CFAP47: variants seen among roughly 807,000 people sequenced by gnomAD.
CFAP47 encodes the protein cilia and flagella associated protein 47.
In CFAP47, 29 loss-of-function variants were observed where a neutral mutation model predicts 148.1. The ratio of observed to expected loss-of-function variants is 0.20; its 90% CI spans 0.15 to 0.27. CFAP47 has a LOEUF of 0.27. Ranked by LOEUF, CFAP47 falls within the 10% of genes least tolerant of loss-of-function variation. CFAP47 has a pLI of 1.00. For synonymous variants in CFAP47, 664 were observed against 577.3 expected, an observed-to-expected ratio of 1.15 and a Z score of -2.15; for missense variants, 1,872 against 1,697.5, an observed-to-expected ratio of 1.10 and a Z score of -1.81.
intron 19 of CFAP47, among the ~76,000 whole-genome samples, chrX:35,999,051 C>T (rs1936882508): frequency 9.0e-6 from 1 of 111,485 alleles, no homozygotes; most frequent in African/African-American, 3.3e-5. Flanking sequence ...ATGGCTAAGG[C>T]ATTGACTATG....
At chrX:36,226,830 G>A (rs1290119235) in intron 45 of CFAP47, among the ~76,000 whole-genome samples, 2 of 111,441 alleles carry the variant, frequency 1.8e-5, no homozygotes, top group Middle Eastern at 4.7e-3. Flanking sequence ...GAACTTGTGC[G>A]TTGCAATGAT....
At chrX:35,943,020 A>G (rs1936033179) in intron 3 of CFAP47, among the ~76,000 whole-genome samples, 1 of 111,485 alleles carries the variant, frequency 9.0e-6, no homozygotes, top group Non-Finnish European at 1.9e-5. Context: ...CTTAGTGTTG[A>G]CTTTATCCCA....
intron 27 of CFAP47, among the ~76,000 whole-genome samples, chrX:36,066,552 T>C (rs771664593): frequency 1.8e-5 from 2 of 111,753 alleles, no homozygotes; most frequent in African/African-American, 6.5e-5. Context: ...GTCACAAGCA[T>C]GTATCGTGAC....
At chrX:35,934,245 G>A (rs6632404) in intron 2 of CFAP47, among the ~76,000 whole-genome samples, 18,435 of 110,428 alleles carry the variant, frequency 0.17, 1,203 homozygotes, top group South Asian at 0.25. Flanking sequence ...CTATTGTACT[G>A]TGGCTGAGCT....
chrX:36,239,314 G>A (rs1204440136), intron 48 of CFAP47, among the ~76,000 whole-genome samples: 2 of 112,384 alleles, frequency 1.8e-5, no homozygotes, highest in African/African-American at 6.5e-5. Flanking sequence ...TTAAAGACTT[G>A]AAATAATCTA....
intron 62 of CFAP47, among the ~76,000 whole-genome samples, chrX:36,375,547 A>G (rs782350201): frequency 8.9e-6 from 1 of 112,193 alleles, no homozygotes; most frequent in South Asian, 3.7e-4. Flanking sequence ...ATTTATCTAA[A>G]GTGTAGTTCA....
chrX:36,012,856 G>T (rs1374438957), intron 21 of CFAP47, among the ~76,000 whole-genome samples: 3 of 111,428 alleles, frequency 2.7e-5, no homozygotes, highest in Non-Finnish European at 5.7e-5. Context: ...AAAAAATAAA[G>T]AAAACAGGTC....
intron 32 of CFAP47, among the ~76,000 whole-genome samples, chrX:36,102,492 C>G (rs1025729191): frequency 9.0e-6 from 1 of 110,993 alleles, no homozygotes; most frequent in Admixed American, 9.6e-5. Context: ...TTTTTACCAC[C>G]GATAATTTCA....
At chrX:36,007,069 A>T (rs1415781083) in intron 21 of CFAP47, among the ~76,000 whole-genome samples, 1 of 111,826 alleles carries the variant, frequency 8.9e-6, no homozygotes, top group Non-Finnish European at 1.9e-5. Flanking sequence ...TCTGCCCTGA[A>T]GCATAGGCTG....
chrX:36,003,974 T>C (rs1045061843), intron 21 of CFAP47, among the ~76,000 whole-genome samples: 7 of 94,033 alleles, frequency 7.4e-5, no homozygotes, highest in Middle Eastern at 4.6e-3. Flanking sequence ...TTTCTTTTTT[T>C]TTTTTTTTTT....
intron 26 of CFAP47, among the ~76,000 whole-genome samples, chrX:36,049,081 T>A (rs779831283): frequency 9.0e-6 from 1 of 111,403 alleles, no homozygotes; most frequent in Non-Finnish European, 1.9e-5. Flanking sequence ...AAGCATAAGG[T>A]CTACAGCTAT....
intron 27 of CFAP47, among the ~76,000 whole-genome samples, chrX:36,067,516 T>C (rs758265753): frequency 9.0e-6 from 1 of 111,181 alleles, no homozygotes; most frequent in South Asian, 3.8e-4. Flanking sequence ...TCCATTCACT[T>C]TTCTCCCTCT....
intron 39 of CFAP47, 81 bp downstream of exon 39, chrX:36,160,850 C>A (rs372390919): frequency 1.3e-5 from 2 of 158,851 alleles, no homozygotes; most frequent in East Asian, 9.6e-5. Context: ...TTCTTTCTTT[C>A]TTTTTTTTTT....
chrX:35,952,037 A>G, intron 6 of CFAP47, 74 bp downstream of exon 6: 1 of 1,012,917 alleles, frequency 9.9e-7, no homozygotes, highest in Non-Finnish European at 1.3e-6. Flanking sequence ...AATCAGATTC[A>G]CTTTAATACT....
chrX:35,970,719 T>G lies in CFAP47; in HGVS notation c.1815-49T>G, dbSNP rs369057520. On this transcript the variant is annotated intron_variant, in intron 10 of 63. Coordinates refer to ENST00000378653, the MANE Select transcript of CFAP47 (RefSeq NM_001304548.2). ...TAGGAGGCTGTCAGTAAATACTGAT[T>G]GAACAAATGCATATATAAAAATATT... 1.4e-4 allele frequency: 146 copies of G among 1,022,247 alleles called. 2 individuals are homozygous for G. In the African/African-American group the frequency reaches 2.7e-3, roughly 19 times the overall value. The allele number at this position is 1,022,247 out of a possible 1,213,427, so 84.2% of individuals were successfully genotyped here.
At position 35,970,934 on chromosome X, in the gene CFAP47, G is replaced by A. The variant is rs748266751; in HGVS notation, c.1970+11G>A. On this transcript the variant is annotated intron_variant, in intron 11 of 63. Transcript: ENST00000378653. ...GAAACAAGCAGAGAGGTAATGTTCA[G>A]TTCCTCAAAAAATATGCAACAGATC... The A allele has an allele frequency of 5.1e-6, 6 of 1,178,496 alleles. No individual in the cohort carries two copies. Among genetic ancestry groups the A allele is most frequent in the Admixed American group, 5.1e-5 (2 of 39,028 alleles).
intron 33 of CFAP47, among the ~76,000 whole-genome samples, chrX:36,133,809 A>AC (rs1938992733): frequency 9.2e-6 from 1 of 109,200 alleles, no homozygotes; most frequent in Non-Finnish European, 1.9e-5. Context: ...AAAAAAAAAA[A>AC]AGAAAAGAAA....
chrX:36,113,874 A>G (rs1938594580), intron 33 of CFAP47, among the ~76,000 whole-genome samples: 1 of 104,612 alleles, frequency 9.6e-6, no homozygotes, highest in Non-Finnish European at 1.9e-5. Context: ...CAGTGGCACG[A>G]TCTCGGCTCA....
intron 26 of CFAP47, among the ~76,000 whole-genome samples, chrX:36,059,409 A>G (rs1347495781): frequency 3.6e-5 from 4 of 112,020 alleles, no homozygotes; most frequent in Non-Finnish European, 1.9e-5. Flanking sequence ...CATATAGGGT[A>G]TGTAATAGCT....
Sources: allele counts gnomAD v4.1 joint callset (sites outside exome capture counted in the v4.1 genomes callset), GRCh38; gene constraint gnomAD v4.1.1; transcripts MANE v1.5; gene names NCBI Gene and HGNC (gene_info 2026-07-23, HGNC 2026-07-21).